DEFB1: variants seen among roughly 807,000 people sequenced by gnomAD.
DEFB1 encodes defensin beta 1, also known as beta-defensin 1.
A neutral mutation model predicts 2.6 loss-of-function variants in DEFB1; 4 were observed. The observed-to-expected ratio is 1.53, with a 90% confidence interval of 0.76 to 3.51. The LOEUF (loss-of-function observed/expected upper bound fraction) is 3.51. Ranked by LOEUF, DEFB1 falls within the 30% of genes most tolerant of loss-of-function variation. The pLI is 0.01. For synonymous variants in DEFB1, 56 were observed against 28.5 expected (o/e 1.96, Z -3.07); for missense variants, 162 against 76.9 (o/e 2.11, Z -4.14).
chr8:6,875,491 G>A (rs992733283), intron 1 of DEFB1, among the ~76,000 whole-genome samples: 1 of 152,196 alleles, frequency 6.6e-6, no homozygotes, highest in African/African-American at 2.4e-5. Flanking sequence ...AAATAACCCA[G>A]TTGCCTGTAA....
chr8:6,872,980 G>A (rs144317585), intron 1 of DEFB1, among the ~76,000 whole-genome samples: 8 of 152,266 alleles, frequency 5.3e-5, no homozygotes, highest in African/African-American at 1.9e-4. Context: ...GATCAACTGA[G>A]CATATAAATT....
At chr8:6,871,671 C>G (rs556417715) in intron 1 of DEFB1, among the ~76,000 whole-genome samples, 2 of 152,264 alleles carry the variant, frequency 1.3e-5, no homozygotes, top group East Asian at 3.9e-4. Context: ...GGGGTGTGCT[C>G]TGATCCATAA....
intron 1 of DEFB1, among the ~76,000 whole-genome samples, chr8:6,874,229 C>A (rs2978869): frequency 0.82 from 125,172 of 152,046 alleles, 51,714 homozygotes; most frequent in Middle Eastern, 0.89. Flanking sequence ...AGAGAAAGAC[C>A]GAAACAAAAG....
intron 1 of DEFB1, among the ~76,000 whole-genome samples, chr8:6,872,399 C>A (rs1806356090): frequency 6.6e-6 from 1 of 152,316 alleles, no homozygotes; most frequent in Admixed American, 6.5e-5. Flanking sequence ...ATTCATTGAA[C>A]AGCAGATATA....
intron 1 of DEFB1, among the ~76,000 whole-genome samples, chr8:6,875,766 A>C (rs1806503928): frequency 6.6e-6 from 1 of 152,218 alleles, no homozygotes; most frequent in Non-Finnish European, 1.5e-5. Context: ...ACTTTTCAGC[A>C]TGTAGAAATA....
At chr8:6,874,162 T>C (rs939685376) in intron 1 of DEFB1, among the ~76,000 whole-genome samples, 4 of 149,080 alleles carry the variant, frequency 2.7e-5, no homozygotes. Context: ...CACACGCACA[T>C]GTGCACTTTG....
rs765552202 is a variant in DEFB1 at position 6,870,683 on chromosome 8, A to G, written c.205T>C (p.Ter69ArgextTer8). Residue 69 changes from the stop codon to arginine, a stop_lost, in exon 2 of 2, where the codon TGA becomes CGA. Transcript: ENST00000297439. Reference sequence around the variant, plus strand: ...CATTTCTTCTGGTCACTCCCAGCTCACTTGCAGCACTTGGCCTTCCCTCTG... The same window carrying G: ...CATTTCTTCTGGTCACTCCCAGCTCGCTTGCAGCACTTGGCCTTCCCTCTG... ...CYRGKAKCCK[*>R] The G allele has an allele frequency of 3.7e-6, 6 of 1,613,666 alleles. No homozygotes were observed. In the South Asian group the frequency reaches 6.6e-5, roughly 18 times the overall value.
At chr8:6,877,736 ACAT>A in intron 1 of DEFB1, 58 bp downstream of exon 1, 2 of 1,461,368 alleles carry the variant, frequency 1.4e-6, no homozygotes, top group Non-Finnish European at 1.9e-6. Flanking sequence ...TCCGAGACTC[ACAT>A]CAGCCCCATT....
At chr8:6,875,024 T>C (rs1159931831) in intron 1 of DEFB1, among the ~76,000 whole-genome samples, 1 of 146,778 alleles carries the variant, frequency 6.8e-6, no homozygotes, top group Non-Finnish European at 1.5e-5. Flanking sequence ...ATATTCATAT[T>C]GGGGAAAAAA....
intron 1 of DEFB1, among the ~76,000 whole-genome samples, chr8:6,875,700 G>C (rs1299098294): frequency 1.3e-5 from 2 of 152,156 alleles, no homozygotes; most frequent in Non-Finnish European, 2.9e-5. Context: ...TTGGAAAACA[G>C]TTTGGCATTG....
chr8:6,871,247 G>A (rs768089578), intron 1 of DEFB1, among the ~76,000 whole-genome samples: 18 of 152,124 alleles, frequency 1.2e-4, no homozygotes, highest in Non-Finnish European at 1.8e-4. Flanking sequence ...CTTCAGTTAC[G>A]CTGTTCCCTC....
intron 1 of DEFB1, among the ~76,000 whole-genome samples, chr8:6,876,733 G>A (rs749849700): frequency 6.6e-5 from 10 of 151,578 alleles, no homozygotes; most frequent in South Asian, 4.2e-4. Flanking sequence ...AGCTCAGGAG[G>A]CAGAGGCTGC....
intron 1 of DEFB1, among the ~76,000 whole-genome samples, chr8:6,877,563 C>G (rs45613938): frequency 0.022 from 3,276 of 152,336 alleles, 72 homozygotes; most frequent in South Asian, 0.075. Flanking sequence ...AGGCAGCTGC[C>G]TGTGACAAGC....
chr8:6,875,952 G>A (rs1055069908), intron 1 of DEFB1, among the ~76,000 whole-genome samples: 3 of 152,110 alleles, frequency 2.0e-5, no homozygotes, highest in Non-Finnish European at 2.9e-5. Flanking sequence ...GGGAAGGCTC[G>A]AGAATAGCTT....
chr8:6,875,549 T>G (rs5743450), intron 1 of DEFB1, among the ~76,000 whole-genome samples: 6,336 of 152,312 alleles, frequency 0.042, 185 homozygotes, highest in South Asian at 0.084. Context: ...AAATGCAGAT[T>G]AAAACTCCAG....
At chr8:6,872,463 A>G (rs142878686) in intron 1 of DEFB1, among the ~76,000 whole-genome samples, 62 of 152,190 alleles carry the variant, frequency 4.1e-4, no homozygotes, top group Middle Eastern at 6.8e-3. Flanking sequence ...AATAGAAGGT[A>G]CTCTGTATTG....
chr8:6,877,782 G>T lies in DEFB1; in HGVS notation c.61+15C>A. 6.2e-7 allele frequency: 1 copy of T among 1,611,712 alleles called. No individual in the cohort carries two copies. Among genetic ancestry groups the T allele is most frequent in the Admixed American group, 1.7e-5 (1 of 60,000 alleles). ...GCCCTGGGGATGGGAAACTCTTGCA[G>T]GTACCAGAGCTTACCTGAGGCCATC... is the stretch of plus-strand genomic sequence containing the variant. On this transcript the variant is annotated intron_variant, in intron 1 of 1. Transcript: ENST00000297439.
chr8:6,871,579 G>A (rs868027041), intron 1 of DEFB1, among the ~76,000 whole-genome samples: 7 of 152,230 alleles, frequency 4.6e-5, no homozygotes, highest in Admixed American at 3.9e-4. Flanking sequence ...TTCCTGTGTC[G>A]AAGCCCTAAC....
At position 6,871,270 on chromosome 8, in the gene DEFB1, C is replaced by T. The variant is rs5743483; in HGVS notation, c.62-444G>A. ...ACGCTGTTCCCTCTGCCTTGAATCC[C>T]GGCCCCCTCACTTCCCACATCACTA... On this transcript the variant is annotated intron_variant, in intron 1 of 1. Coordinates refer to ENST00000297439, the MANE Select transcript of DEFB1 (RefSeq NM_005218.4). Among the ~76,000 whole-genome samples the T allele has an allele frequency of 6.6e-3, 1,006 of 152,288 alleles. 7 individuals are homozygous for T. The highest frequency in any genetic ancestry group is 0.011 in the Non-Finnish European group (748 of 68,016).
Sources: gnomAD v4.1 joint callset for allele counts (sites outside exome capture counted in the v4.1 genomes callset) on GRCh38, gnomAD v4.1.1 for gene constraint, MANE v1.5 for transcripts, NCBI Gene and HGNC (gene_info 2026-07-23, HGNC 2026-07-21) for gene names.